The following PAX2 variants were observed in gnomAD, a reference collection of about 807,000 sequenced individuals.
PAX2 encodes paired box protein Pax-2.
Under a neutral mutation model 41.7 loss-of-function variants are expected in PAX2, and 9 were observed. The ratio of observed to expected loss-of-function variants is 0.22; its 90% confidence interval spans 0.13 to 0.38. The LOEUF is 0.38. PAX2 is among the 10% of genes least tolerant of loss of function. The pLI, the probability that PAX2 is intolerant of heterozygous loss-of-function variation, is 1.00. For synonymous variants in PAX2, 221 were observed against 212.7 expected (o/e 1.04, Z -0.34); for missense variants, 418 against 531.6 (o/e 0.79, Z 2.10).
At position 100,746,237 on chromosome 10, in the gene PAX2, C is replaced by G; in HGVS notation, c.-24C>G. On this transcript the variant is annotated 5_prime_UTR_variant, in exon 1 of 10. Transcript: ENST00000355243. ...AGGCGACACGGCGGCGGCGGCCGCGCTGCTCCCGCTCCTCTGCCTCCCCAT... is the reference window on the plus strand; with the variant it reads ...AGGCGACACGGCGGCGGCGGCCGCGGTGCTCCCGCTCCTCTGCCTCCCCAT... 1 of 1,613,400 alleles carries G rather than the reference C, an allele frequency of 6.2e-7. No homozygotes were observed. The highest frequency in any genetic ancestry group is 2.2e-5 in the East Asian group (1 of 44,852).
intron 3 of PAX2, among the ~76,000 whole-genome samples, chr10:100,765,447 C>A (rs1845985972): frequency 6.6e-6 from 1 of 152,196 alleles, no homozygotes; most frequent in Admixed American, 6.5e-5. Context: ...CCTTTTATAC[C>A]TTTTGCATCA....
At position 100,788,926 on chromosome 10, in the gene PAX2, G is replaced by A. The variant is rs115229276; in HGVS notation, c.616+7561G>A. On this transcript the variant is annotated intron_variant, in intron 5 of 9. Coordinates refer to ENST00000355243, the MANE Select transcript of PAX2 (RefSeq NM_000278.5). ...CACACACATGCACACCCAGCCATCC[G>A]ACTCTTTTGCTAGAGAAGACGGGGA... Among the ~76,000 whole-genome samples the A allele has an allele frequency of 2.6e-3, 397 of 151,944 alleles. 1 individual carries two copies. The highest frequency in any genetic ancestry group is 8.7e-3 in the African/African-American group (362 of 41,434).
chr10:100,759,977 G>T (rs1845777980), intron 3 of PAX2, among the ~76,000 whole-genome samples: 1 of 152,184 alleles, frequency 6.6e-6, no homozygotes, highest in Non-Finnish European at 1.5e-5. Context: ...TGGCCTGCAG[G>T]ACATGGAGGC....
At chr10:100,800,766 A>G (rs938144920) in intron 5 of PAX2, among the ~76,000 whole-genome samples, 5 of 152,112 alleles carry the variant, frequency 3.3e-5, no homozygotes, top group African/African-American at 1.2e-4. Flanking sequence ...GAGAGGTGTG[A>G]GATAGGGCCC....
intron 1 of PAX2, among the ~76,000 whole-genome samples, chr10:100,737,476 T>C (rs1478873147): frequency 7.9e-5 from 12 of 152,328 alleles, no homozygotes; most frequent in Admixed American, 7.8e-4. Flanking sequence ...TCCTTTCCCT[T>C]CCCTCTTTTC....
intron 3 of PAX2, among the ~76,000 whole-genome samples, chr10:100,779,257 G>A (rs1846511373): frequency 6.6e-6 from 1 of 152,224 alleles, no homozygotes; most frequent in African/African-American, 2.4e-5. Flanking sequence ...TTTGGGTGAT[G>A]CACATAGCAG....
At position 100,827,806 on chromosome 10, in the gene PAX2, G is replaced by A. The variant is rs1026415433; in HGVS notation, c.*187G>A. On this transcript the variant is annotated 3_prime_UTR_variant, in exon 10 of 10. Coordinates refer to ENST00000355243, the MANE Select transcript of PAX2 (RefSeq NM_000278.5). The surrounding 1 kb of genome is among the most constrained non-coding windows in gnomAD (Gnocchi z 8.5). ...ACCCCCCTCGAAGGTCGGACAGGAC[G>A]GGTGGAGCCGTGGGCGGGACCCTCA... 33 of 854,520 alleles carry A rather than the reference G, an allele frequency of 3.9e-5. No homozygotes were observed. Among genetic ancestry groups the A allele is most frequent in the Non-Finnish European group, 5.5e-5 (30 of 550,142 alleles). The allele number at this position is 854,520 out of a possible 1,614,324, so 52.9% of individuals were successfully genotyped here.
In PAX2 at chr10:100,829,191, T is replaced by G. The variant is rs535051546; in HGVS notation, c.*1572T>G. On this transcript the variant is annotated 3_prime_UTR_variant, in exon 10 of 10. Transcript: ENST00000355243. ...TGTTTTGTTGGCTCTTTCTCTGTAA[T>G]TCCGTGTTTTCGCTTTTTCCTCCCT... 7 of 232,146 alleles carry G rather than the reference T, an allele frequency of 3.0e-5. No homozygotes were observed. Among genetic ancestry groups the G allele is most frequent in the Admixed American group, 1.1e-4 (2 of 17,724 alleles). The allele number at this position is 232,146 out of a possible 1,614,324, so 14.4% of individuals were successfully genotyped here. A position where few individuals can be genotyped will look rare whatever the true frequency, so the allele number is the denominator to read the frequency against.
rs942833290 is a variant in PAX2 at position 100,761,643 on chromosome 10, C to A, written c.410+10752C>A. 3.9e-5 allele frequency among the ~76,000 whole-genome samples: 6 copies of A among 152,186 alleles called. No homozygotes were observed. In the South Asian group the frequency reaches 1.2e-3, roughly 32 times the overall value. On this transcript the variant is annotated intron_variant, in intron 3 of 9. Transcript: ENST00000355243. ...AATTTGTCCAGTGGTGCTGCCCAAG[C>A]GAGTACTCTGGGCCTTTGTTTATGT...
intron 5 of PAX2, 26 bp from the exon 6 acceptor site, chr10:100,806,404 G>A (rs773007795): frequency 3.7e-6 from 6 of 1,613,550 alleles, no homozygotes; most frequent in Admixed American, 1.7e-5. Flanking sequence ...TGGCGCTAAC[G>A]CCCCGAGTGT....
At chr10:100,762,510 TG>T (rs1845876139) in intron 3 of PAX2, among the ~76,000 whole-genome samples, 1 of 152,144 alleles carries the variant, frequency 6.6e-6, no homozygotes. Flanking sequence ...TAATCCTAAA[TG>T]CTACTGAATG....
At position 100,749,734 on chromosome 10, in the gene PAX2, GTC is replaced by G; in HGVS notation, c.44-7_44-6del. On this transcript the variant is annotated splice_polypyrimidine_tract_variant and intron_variant, in intron 1 of 9. Coordinates refer to ENST00000355243, the MANE Select transcript of PAX2 (RefSeq NM_000278.5). ...GTGTGGGGTGTTGTGTTTTTTTCTT[GTC>G]TCTCCCCAGCAGGGCACGGGGGTGT... 2 of 1,604,536 alleles carry G rather than the reference GTC, an allele frequency of 1.2e-6. No individual in the cohort carries two copies. Among genetic ancestry groups the G allele is most frequent in the Non-Finnish European group, 1.7e-6 (2 of 1,173,948 alleles).
chr10:100,741,274 G>A (rs1844941600), upstream of PAX2, among the ~76,000 whole-genome samples: 1 of 152,022 alleles, frequency 6.6e-6, no homozygotes, highest in African/African-American at 2.4e-5. Context: ...GTGAGAGCAG[G>A]AGGGAGGGAG....
chr10:100,798,759 C>T (rs1847429235), intron 5 of PAX2, among the ~76,000 whole-genome samples: 1 of 152,120 alleles, frequency 6.6e-6, no homozygotes, highest in East Asian at 1.9e-4. Flanking sequence ...TCCATCAATC[C>T]TCCCTCCTCT....
intron 5 of PAX2, among the ~76,000 whole-genome samples, chr10:100,803,012 A>G (rs1404010092): frequency 6.7e-6 from 1 of 148,568 alleles, no homozygotes. Flanking sequence ...CTCGCTCCCC[A>G]TCTTCCCGGG....
At chr10:100,794,661 A>T (rs1270399434) in intron 5 of PAX2, among the ~76,000 whole-genome samples, 14 of 152,212 alleles carry the variant, frequency 9.2e-5, no homozygotes, top group African/African-American at 3.1e-4. Flanking sequence ...AGTCTAACCA[A>T]TGCCAGGCAC....
chr10:100,758,185 G>A (rs1267696183), intron 3 of PAX2, among the ~76,000 whole-genome samples: 1 of 149,376 alleles, frequency 6.7e-6, no homozygotes, highest in Non-Finnish European at 1.5e-5. Context: ...CTGTTGCCCA[G>A]GCTGGAGTGC....
intron 6 of PAX2, among the ~76,000 whole-genome samples, chr10:100,808,459 G>T (rs1355078857): frequency 6.6e-6 from 1 of 152,186 alleles, no homozygotes; most frequent in Non-Finnish European, 1.5e-5. Flanking sequence ...GGTCTGCCCA[G>T]CTCTGGGGTC....
intron 5 of PAX2, among the ~76,000 whole-genome samples, chr10:100,804,795 A>G (rs745870091): frequency 1.3e-5 from 2 of 152,198 alleles, no homozygotes; most frequent in Non-Finnish European, 2.9e-5. Flanking sequence ...CTTTCAACTC[A>G]TATGTTGATG....
Sources: gnomAD v4.1 joint callset for allele counts (sites outside exome capture counted in the v4.1 genomes callset) on GRCh38, gnomAD v4.1.1 for gene constraint, Gnocchi (gnomAD v3.1) non-coding constraint, MANE v1.5 for transcripts, NCBI Gene and HGNC (gene_info 2026-07-23, HGNC 2026-07-21) for gene names.